PI4KA: variants seen among roughly 807,000 people sequenced by gnomAD.
PI4KA encodes PI4-kinase alpha.
Under a neutral mutation model 271.4 loss-of-function variants are expected in PI4KA, and 122 were observed. The observed-to-expected ratio is 0.45, with a 90% CI of 0.39 to 0.52. The LOEUF (loss-of-function observed/expected upper bound fraction) is 0.52. PI4KA is among the 20% of genes least tolerant of loss of function. The probability of loss-of-function intolerance (pLI) is 0.00; values close to 1 mark genes in which losing one functional copy is unlikely to be tolerated. For synonymous variants in PI4KA, 1,041 were observed against 1,078.8 expected (o/e 0.96, Z 0.69); for missense variants, 1,969 against 2,769.1 (o/e 0.71, Z 6.48).
intron 1 of PI4KA, among the ~76,000 whole-genome samples, chr22:20,854,079 A>C (rs1050949629): frequency 6.6e-6 from 1 of 152,064 alleles, no homozygotes; most frequent in Non-Finnish European, 1.5e-5. Flanking sequence ...GGGGCCTAGC[A>C]CATACCAAGG....
intron 6 of PI4KA, 30 bp from the exon 7 acceptor site, chr22:20,818,579 G>C: frequency 6.7e-7 from 1 of 1,494,960 alleles, no homozygotes; most frequent in Non-Finnish European, 8.9e-7. Context: ...TTACATATCA[G>C]AAAAGACCAG....
intron 19 of PI4KA, among the ~76,000 whole-genome samples, chr22:20,777,574 G>T (rs369943019): frequency 6.6e-6 from 1 of 152,132 alleles, no homozygotes; most frequent in African/African-American, 2.4e-5. Flanking sequence ...CACTGGTCTT[G>T]AGCTCCTGGG....
chr22:20,720,222 T>TG (rs1376659748), intron 43 of PI4KA, among the ~76,000 whole-genome samples: 5 of 152,138 alleles, frequency 3.3e-5, no homozygotes, highest in Non-Finnish European at 5.9e-5. Flanking sequence ...TAGACAGACT[T>TG]GAACAAAACA....
At chr22:20,852,376 G>A (rs1231484232) in intron 1 of PI4KA, among the ~76,000 whole-genome samples, 1 of 152,186 alleles carries the variant, frequency 6.6e-6, no homozygotes, top group South Asian at 2.1e-4. Context: ...AAGGCTACGT[G>A]AAGGCAGAGG....
chr22:20,744,533 G>A, intron 30 of PI4KA, 95 bp downstream of exon 30: 1 of 799,126 alleles, frequency 1.3e-6, no homozygotes, highest in Non-Finnish European at 2.1e-6. Context: ...CACATCACCG[G>A]GACGCTTTGT....
chr22:20,802,965 C>T (rs1160558918), intron 13 of PI4KA, among the ~76,000 whole-genome samples: 2 of 151,972 alleles, frequency 1.3e-5, no homozygotes, highest in Non-Finnish European at 2.9e-5. Flanking sequence ...TGAAAGATGT[C>T]AAAAAGAAAA....
chr22:20,787,562 C>T (rs1199098372), intron 19 of PI4KA: 1 of 196,810 alleles, frequency 5.1e-6, no homozygotes, highest in African/African-American at 2.3e-5. Flanking sequence ...GAGGGGTGCC[C>T]TGGGCTAATG....
intron 3 of PI4KA, among the ~76,000 whole-genome samples, chr22:20,824,813 G>A (rs1239188911): frequency 6.6e-6 from 1 of 150,406 alleles, no homozygotes; most frequent in African/African-American, 2.5e-5. Context: ...GCTCAAGTCT[G>A]TAATCCCAGC....
chr22:20,854,903 G>A (rs1027228715), intron 1 of PI4KA, among the ~76,000 whole-genome samples: 17 of 152,156 alleles, frequency 1.1e-4, no homozygotes, highest in Non-Finnish European at 2.4e-4. Flanking sequence ...TGCAATCCTG[G>A]CACTTTGGGA....
In PI4KA at chr22:20,765,006, C is replaced by T. The variant is rs564259894; in HGVS notation, c.2575-56G>A. Reference sequence around the variant, plus strand: ...GGGGCATCCCCCAGGACAAACAGGTCCCAGTGGCTGGCAACATGTGTTAAT... The same window carrying T: ...GGGGCATCCCCCAGGACAAACAGGTTCCAGTGGCTGGCAACATGTGTTAAT... On this transcript the variant is annotated intron_variant, in intron 21 of 54. Coordinates refer to ENST00000255882, the MANE Select transcript of PI4KA (RefSeq NM_058004.4). 76 of 1,582,050 alleles carry T rather than the reference C, an allele frequency of 4.8e-5. No individual in the cohort carries two copies. The African/African-American group carries it at 9.3e-4, about 19-fold the overall frequency.
At chr22:20,753,086 C>G (rs201842244) in intron 24 of PI4KA, 24 bp downstream of exon 24, 1 of 1,614,000 alleles carries the variant, frequency 6.2e-7, no homozygotes, top group Non-Finnish European at 8.5e-7. Flanking sequence ...CAGACAGACA[C>G]GCATTCATGC....
At chr22:20,808,127 C>T (rs1935771941) in intron 9 of PI4KA, among the ~76,000 whole-genome samples, 1 of 151,352 alleles carries the variant, frequency 6.6e-6, no homozygotes, top group African/African-American at 2.4e-5. Context: ...CCTGTCTCTA[C>T]TAAAAATACA....
At chr22:20,821,477 C>T (rs932601783) in intron 4 of PI4KA, among the ~76,000 whole-genome samples, 10 of 152,082 alleles carry the variant, frequency 6.6e-5, no homozygotes, top group South Asian at 2.1e-4. Context: ...GCCTTGGCCT[C>T]GCAAAGTGCT....
At position 20,791,059 on chromosome 22, in the gene PI4KA, A is replaced by C. The variant is rs181082296; in HGVS notation, c.2328+2134T>G. On this transcript the variant is annotated intron_variant, in intron 19 of 54. Transcript: ENST00000255882. ...ATCCCACATGTAGGACCAGGAGTCC[A>C]ACCTGGAACCCTGTGACCCTCAAAT... Among the ~76,000 whole-genome samples the C allele has an allele frequency of 7.7e-4, 117 of 152,316 alleles. 2 individuals are homozygous for C. The East Asian group carries it at 0.019, about 25-fold the overall frequency.
Position 20,858,397 on chromosome 22 carries a change from C to T in PI4KA, c.156+173G>A, listed in dbSNP as rs549334103. Among the ~76,000 whole-genome samples the T allele has an allele frequency of 3.3e-5, 5 of 152,066 alleles. No individual in the cohort carries two copies. The South Asian group carries it at 8.3e-4, about 25-fold the overall frequency. ...CCCACGGTCCCTCTCTCTTCACCAG[C>T]CCCTCCCACTAGGGCCTCCTTCCCC... On this transcript the variant is annotated intron_variant, in intron 1 of 54. Coordinates refer to ENST00000255882, the MANE Select transcript of PI4KA (RefSeq NM_058004.4).
chr22:20,832,414 C>T (rs775055750), intron 3 of PI4KA, among the ~76,000 whole-genome samples: 13 of 151,608 alleles, frequency 8.6e-5, no homozygotes, highest in Non-Finnish European at 1.2e-4. Flanking sequence ...TGCGCCCAGC[C>T]GAAATTCTTG....
At position 20,799,708 on chromosome 22, in the gene PI4KA, G is replaced by C. The variant is rs757480425; in HGVS notation, c.1783C>G (p.Leu595Val). Residue 595 changes from leucine to valine, a missense_variant, in exon 15 of 55, where the codon CTG (leucine) becomes GTG (valine). By Grantham distance (32) the Leu-to-Val change is conservative (BLOSUM62 1). Coordinates refer to ENST00000255882, the MANE Select transcript of PI4KA (RefSeq NM_058004.4). Reference protein sequence around the residue: ...PVIVEAFLASLSNRLYISQES... With the variant: ...PVIVEAFLASVSNRLYISQES... ...TGAGAGATGTAGAGCCGGTTGGACA[G>C]GCTGGCCAAGAACGCCTCCACAATC... 1 of 1,553,090 alleles carries C rather than the reference G, an allele frequency of 6.4e-7. No individual in the cohort carries two copies. Among genetic ancestry groups the C allele is most frequent in the South Asian group, 1.2e-5 (1 of 84,104 alleles).
At position 20,765,020 on chromosome 22, in the gene PI4KA, A is replaced by G. The variant is rs549848800; in HGVS notation, c.2575-70T>C. On this transcript the variant is annotated intron_variant, in intron 21 of 54. Coordinates refer to ENST00000255882, the MANE Select transcript of PI4KA (RefSeq NM_058004.4). ...GACAAACAGGTCCCAGTGGCTGGCA[A>G]CATGTGTTAATAATGACAGTGAAAA... is the stretch of plus-strand genomic sequence containing the variant. The G allele has an allele frequency of 8.2e-6, 13 of 1,579,900 alleles. No individual in the cohort carries two copies. In the East Asian group the frequency reaches 2.7e-4, roughly 33 times the overall value.
At chr22:20,815,316 G>C (rs139440366) in intron 7 of PI4KA, among the ~76,000 whole-genome samples, 230 of 148,438 alleles carry the variant, frequency 1.5e-3, no homozygotes, top group Non-Finnish European at 2.9e-3. Flanking sequence ...GGGAGGCTGA[G>C]GTTGCAGTGA....
Sources: gnomAD v4.1 joint callset for allele counts (sites outside exome capture counted in the v4.1 genomes callset) on GRCh38, gnomAD v4.1.1 for gene constraint, MANE v1.5 for transcripts, NCBI Gene and HGNC (gene_info 2026-07-23, HGNC 2026-07-21) for gene names.